The following PPP4R3A variants were observed in gnomAD, a reference collection of about 807,000 sequenced individuals.
The protein encoded by PPP4R3A is protein phosphatase 4 regulatory subunit 3A, also known as serine/threonine-protein phosphatase 4 regulatory subunit 3A.
A neutral mutation model predicts 91.7 loss-of-function variants in PPP4R3A; 15 were observed. The ratio of observed to expected loss-of-function variants is 0.16; its 90% CI spans 0.11 to 0.25. The LOEUF is 0.25. PPP4R3A is among the 10% of genes least tolerant of loss of function. The pLI is 1.00. For synonymous variants in PPP4R3A, 377 were observed against 348.7 expected (o/e 1.08, Z -0.91); for missense variants, 623 against 998.4 (o/e 0.62, Z 5.07).
chr14:91,485,333 T>C (rs773053836), intron 3 of PPP4R3A, among the ~76,000 whole-genome samples: 2 of 152,180 alleles, frequency 1.3e-5, no homozygotes, highest in South Asian at 2.1e-4. Flanking sequence ...GGAGATGGGA[T>C]AGATATATGT....
intron 1 of PPP4R3A, among the ~76,000 whole-genome samples, chr14:91,497,981 T>A (rs1001848131): frequency 1.3e-5 from 2 of 152,206 alleles, no homozygotes; most frequent in Non-Finnish European, 2.9e-5. Flanking sequence ...TGCCAAAGAC[T>A]GAATGCAGAA....
At position 91,509,834 on chromosome 14, in the gene PPP4R3A, C is replaced by G; in HGVS notation, c.-187G>C. On this transcript the variant is annotated 5_prime_UTR_variant, in exon 1 of 15. Transcript: ENST00000554943. ...CCGCTCCAGGGACCGAGCTCTGGGC[C>G]GCCGCCTTTCCTCGCCTCCGGCTCC... 1.7e-6 allele frequency: 2 copies of G among 1,175,232 alleles called. No homozygotes were observed. The highest frequency in any genetic ancestry group is 2.1e-6 in the Non-Finnish European group (2 of 954,356). 72.8% of individuals were successfully genotyped at this position (1,175,232 alleles called of 1,614,324 possible).
chr14:91,482,241 G>C, intron 3 of PPP4R3A, 48 bp from the exon 4 acceptor site: 1 of 1,526,114 alleles, frequency 6.6e-7, no homozygotes, highest in Non-Finnish European at 8.7e-7. Context: ...CAGGTGACCA[G>C]CAAACCTAAA....
intron 1 of PPP4R3A, among the ~76,000 whole-genome samples, chr14:91,502,574 T>C (rs917153484): frequency 6.6e-6 from 1 of 152,240 alleles, no homozygotes; most frequent in Non-Finnish European, 1.5e-5. Flanking sequence ...CCAAAAGCTT[T>C]TCCACCCTAA....
chr14:91,475,724 G>C (rs183530884), intron 7 of PPP4R3A, 87 bp downstream of exon 7: 2 of 1,316,838 alleles, frequency 1.5e-6, no homozygotes, highest in African/African-American at 3.0e-5. Flanking sequence ...TTCCCAAACA[G>C]CAACAATTAA....
Position 91,458,558 on chromosome 14 carries a change from T to TTAAG in PPP4R3A, c.*197_*200dup, listed in dbSNP as rs1214018151. 6.6e-6 allele frequency: 5 copies of TTAAG among 758,544 alleles called. No individual in the cohort carries two copies. Among genetic ancestry groups the TTAAG allele is most frequent in the Middle Eastern group, 3.0e-4 (1 of 3,380 alleles). 47.0% of individuals were successfully genotyped at this position (758,544 alleles called of 1,614,324 possible). ...GGTCCAAGCTGGAGAGCTCAAAGGC[T>TTAAG]TAAGTCTTTCCCCTAAATATATGAT... On this transcript the variant is annotated 3_prime_UTR_variant, in exon 15 of 15. Transcript: ENST00000554943.
At chr14:91,507,446 A>ATATAGTATATATACTATAATTATATATAC (rs1891425949) in intron 1 of PPP4R3A, among the ~76,000 whole-genome samples, 1 of 136,062 alleles carries the variant, frequency 7.3e-6, no homozygotes, top group Non-Finnish European at 1.5e-5. Context: ...TATATATACT[A>ATATAGTATATATACTATAATTATATATAC]TATAGTATAT....
intron 4 of PPP4R3A, 34 bp downstream of exon 4, chr14:91,481,542 C>G (rs1889560288): frequency 6.6e-7 from 1 of 1,505,234 alleles, no homozygotes; most frequent in South Asian, 1.4e-5. Context: ...CGCTGCATCT[C>G]TTGAAATATG....
In PPP4R3A at chr14:91,508,722, A is replaced by G. The variant is rs1407692906; in HGVS notation, c.142+784T>C. Reference sequence around the variant, plus strand: ...TCTTTGAACCTTGAGGGCTGTTTCAAAATTTGTGAAGCATAAACACTAGGG... The same window carrying G: ...TCTTTGAACCTTGAGGGCTGTTTCAGAATTTGTGAAGCATAAACACTAGGG... On this transcript the variant is annotated intron_variant, in intron 1 of 14. Coordinates refer to ENST00000554943, the MANE Select transcript of PPP4R3A (RefSeq NM_001366432.2). Among the ~76,000 whole-genome samples, 3 of 152,240 alleles carry G rather than the reference A, an allele frequency of 2.0e-5. No homozygotes were observed. In the East Asian group the frequency reaches 5.8e-4, roughly 29 times the overall value.
At chr14:91,473,194 A>G (rs1256446505) in intron 8 of PPP4R3A, 45 bp downstream of exon 8, 2 of 1,612,772 alleles carry the variant, frequency 1.2e-6, no homozygotes, top group Non-Finnish European at 1.7e-6. Context: ...CCAGCAATAC[A>G]CAATATACTA....
In PPP4R3A at chr14:91,509,667, G is replaced by A. The variant is rs775802849; in HGVS notation, c.-20C>T. 1.3e-6 allele frequency: 2 copies of A among 1,589,410 alleles called. No homozygotes were observed. The highest frequency in any genetic ancestry group is 1.7e-6 in the Non-Finnish European group (2 of 1,174,996). ...GGTCATCGTGCCGCCCGGGAACCGGGGCGGGGGCCCCGCCAGTAGACGCCC... is the reference window on the plus strand; with the variant it reads ...GGTCATCGTGCCGCCCGGGAACCGGAGCGGGGGCCCCGCCAGTAGACGCCC... On this transcript the variant is annotated 5_prime_UTR_variant, in exon 1 of 15. Transcript: ENST00000554943.
chr14:91,506,284 T>C (rs11627113), intron 1 of PPP4R3A, among the ~76,000 whole-genome samples: 66,745 of 152,058 alleles, frequency 0.44, 15,048 homozygotes, highest in Admixed American at 0.46. Flanking sequence ...TTCATTTTCT[T>C]TGAAATAAAC....
At chr14:91,495,709 C>T (rs1344107477) in intron 1 of PPP4R3A, among the ~76,000 whole-genome samples, 2 of 151,364 alleles carry the variant, frequency 1.3e-5, no homozygotes, top group African/African-American at 4.9e-5. Context: ...AAACAAAAAA[C>T]AGGTGGAGTG....
intron 3 of PPP4R3A, among the ~76,000 whole-genome samples, chr14:91,485,318 TAGA>T (rs905614079): frequency 1.3e-5 from 2 of 152,180 alleles, no homozygotes; most frequent in African/African-American, 2.4e-5. Context: ...GCATGGCACT[TAGA>T]AGGAGATGGG....
chr14:91,462,284 A>G, intron 12 of PPP4R3A, 45 bp from the exon 13 acceptor site: 1 of 1,463,826 alleles, frequency 6.8e-7, no homozygotes, highest in Non-Finnish European at 9.0e-7. Context: ...ATATGGACTT[A>G]ATTGTACTGT....
In PPP4R3A at chr14:91,509,783, C is replaced by T. The variant is rs911192226; in HGVS notation, c.-136G>A. The stretch of plus-strand genomic sequence containing the variant: ...GCCTCACTGCCGCCGCTGGGCGCCG[C>T]GGGGCCGCGCCGCCGCCTGCATGGC... On this transcript the variant is annotated 5_prime_UTR_variant, in exon 1 of 15. Coordinates refer to ENST00000554943, the MANE Select transcript of PPP4R3A (RefSeq NM_001366432.2). 4.0e-6 allele frequency: 5 copies of T among 1,256,396 alleles called. No homozygotes were observed. In the African/African-American group the frequency reaches 7.9e-5, roughly 20 times the overall value. 77.8% of individuals were successfully genotyped at this position (1,256,396 alleles called of 1,614,324 possible). A position where few individuals can be genotyped will look rare whatever the true frequency, so the allele number is the denominator to read the frequency against.
chr14:91,490,283 G>A (rs1217636296), intron 2 of PPP4R3A, among the ~76,000 whole-genome samples: 1 of 152,210 alleles, frequency 6.6e-6, no homozygotes. Context: ...GTGAAGTACA[G>A]TTACCTTCAA....
intron 11 of PPP4R3A, 73 bp from the exon 12 acceptor site, chr14:91,462,950 A>T: frequency 9.9e-7 from 1 of 1,005,198 alleles, no homozygotes; most frequent in Non-Finnish European, 1.5e-6. Flanking sequence ...AATTTAATCA[A>T]TTCATACCCA....
chr14:91,459,597 C>T (rs544431720), intron 14 of PPP4R3A, among the ~76,000 whole-genome samples: 11 of 152,024 alleles, frequency 7.2e-5, no homozygotes, highest in African/African-American at 1.9e-4. Context: ...GAGGCTGAGG[C>T]GGAGGGATCA....
Sources: allele counts gnomAD v4.1 joint callset (sites outside exome capture counted in the v4.1 genomes callset), GRCh38; gene constraint gnomAD v4.1.1; transcripts MANE v1.5; gene names NCBI Gene and HGNC (gene_info 2026-07-23, HGNC 2026-07-21).